Variants in ARVCF observed in about 807,000 individuals in gnomAD.
ARVCF encodes splicing regulator ARVCF.
A neutral mutation model predicts 90.9 loss-of-function variants in ARVCF; 66 were observed. The observed-to-expected ratio is 0.73, with a 90% CI of 0.60 to 0.89. The LOEUF (loss-of-function observed/expected upper bound fraction) is 0.89, where lower values mean the gene tolerates loss of function less well. ARVCF is among the 40% of genes least tolerant of loss of function. ARVCF has a pLI of 0.00. For missense variants in ARVCF, 1,469 were observed against 1,382.3 expected (o/e 1.06, Z -1.00); for synonymous variants, 653 against 603.4 (o/e 1.08, Z -1.21).
intron 2 of ARVCF, among the ~76,000 whole-genome samples, chr22:20,007,201 C>T (rs541800289): frequency 1.3e-5 from 2 of 152,144 alleles, no homozygotes; most frequent in East Asian, 3.9e-4. Flanking sequence ...GAGTTCGACA[C>T]CAGCCTGGAC....
chr22:19,972,525 C>T, intron 16 of ARVCF, 114 bp from the exon 17 acceptor site: 1 of 1,369,648 alleles, frequency 7.3e-7, no homozygotes, highest in Non-Finnish European at 1.0e-6. Flanking sequence ...CACTAAGGTG[C>T]CCAACCTCTG....
rs774731678 is a variant in ARVCF, at chr22:19,981,688, G to A, written c.419C>T (p.Pro140Leu). 1 of 1,600,434 alleles carries A rather than the reference G, an allele frequency of 6.2e-7. No homozygotes were observed. Among genetic ancestry groups the A allele is most frequent in the Non-Finnish European group, 8.5e-7 (1 of 1,173,770 alleles). ...CAGGGGGAGTCCATCTGGGCCCACG[G>A]GCACCTGGCGTACTGTCCGAGTGGT... ...TVTTRTVRQVPVGPDGLPLLD... is the reference protein window; with the variant it reads ...TVTTRTVRQVLVGPDGLPLLD... The change falls in exon 5 of 20, where the codon CCC becomes CTC. Residue 140 changes from proline (P) to leucine (L), a missense_variant. Coordinates refer to ENST00000263207, the MANE Select transcript of ARVCF (RefSeq NM_001670.3).
intron 2 of ARVCF, among the ~76,000 whole-genome samples, chr22:19,998,220 C>T (rs930596377): frequency 9.9e-5 from 15 of 152,200 alleles, no homozygotes; most frequent in Non-Finnish European, 1.9e-4. Context: ...TGCACAGGGC[C>T]GTCCGCCTGC....
downstream of ARVCF, chr22:19,967,682 T>C: frequency 1.1e-5 from 3 of 281,006 alleles, no homozygotes; most frequent in South Asian, 9.8e-5. Flanking sequence ...TTTATTATAC[T>C]TTAGATGTTT....
downstream of ARVCF, chr22:19,968,944 C>T: frequency 1.7e-6 from 1 of 578,740 alleles, no homozygotes; most frequent in Non-Finnish European, 3.1e-6. Context: ...TCTTTACTAA[C>T]ACTGGCTAGC....
rs12329964 is a variant in ARVCF at position 19,971,510 on chromosome 22, G to A, written c.2782-175C>T. ...AACGTGTGGCTCACACGGGCCCAGGGCGGGCACGTGCACACACACAGGCCT... is the reference window on the plus strand; with the variant it reads ...AACGTGTGGCTCACACGGGCCCAGGACGGGCACGTGCACACACACAGGCCT... On this transcript the variant is annotated intron_variant, in intron 18 of 19. Coordinates refer to ENST00000263207, the MANE Select transcript of ARVCF (RefSeq NM_001670.3). Among the ~76,000 whole-genome samples the A allele has an allele frequency of 0.15, 22,350 of 152,246 alleles. 1,787 individuals are homozygous for A. The highest frequency in any genetic ancestry group is 0.21 in the Middle Eastern group (62 of 292).
In ARVCF at chr22:19,973,667, C is replaced by G; in HGVS notation, c.2215G>C (p.Asp739His). 6.2e-7 allele frequency: 1 copy of G among 1,609,862 alleles called. No individual in the cohort carries two copies. The highest frequency in any genetic ancestry group is 8.5e-7 in the Non-Finnish European group (1 of 1,179,172). ...VAIALRNLSL[D>H]RRNKDLIGSY... is the part of the protein sequence containing the mutation. Reference sequence around the variant, plus strand: ...CCGATGAGGTCTTTGTTGCGCCGGTCCAGCGAGAGGTTGCGCAGAGCGATG... The same window carrying G: ...CCGATGAGGTCTTTGTTGCGCCGGTGCAGCGAGAGGTTGCGCAGAGCGATG... Residue 739 changes from aspartate to histidine, a missense_variant, in exon 13 of 20, where the codon GAC (aspartate) becomes CAC (histidine). Asp to His is a moderately conservative substitution (Grantham distance 81). Transcript: ENST00000263207.
Position 19,977,576 on chromosome 22 carries a change from T to C in ARVCF, c.1709A>G (p.Asn570Ser). The change falls in exon 9 of 20, where the codon AAC becomes AGC. Residue 570 changes from asparagine (N) to serine (S), a missense_variant. By Grantham distance (46) the Asn-to-Ser change is conservative. Coordinates refer to ENST00000263207, the MANE Select transcript of ARVCF (RefSeq NM_001670.3). ...RKDTDNKSVE[N>S]CVCIMRNLSY... ...CAGGTTCCGCATGATGCACACGCAG[T>C]TCTCCACCGACTGCAGGGAGAGGTG... The C allele has an allele frequency of 6.5e-7, 1 of 1,532,742 alleles. No homozygotes were observed. The highest frequency in any genetic ancestry group is 8.8e-7 in the Non-Finnish European group (1 of 1,138,540). 94.9% of individuals were successfully genotyped at this position (1,532,742 alleles called of 1,614,324 possible).
Position 19,970,633 on chromosome 22 carries a change from G to A in ARVCF, c.*123C>T. ...CCAAAGTCAGGCTTGGCTGGGGCGA[G>A]GCGCTGCCAACCCCTGCCGCCAGGG... On this transcript the variant is annotated 3_prime_UTR_variant, in exon 20 of 20. Transcript: ENST00000263207. The A allele has an allele frequency of 1.6e-6, 2 of 1,277,502 alleles. No homozygotes were observed. Among genetic ancestry groups the A allele is most frequent in the Non-Finnish European group, 2.0e-6 (2 of 983,478 alleles). The allele number at this position is 1,277,502 out of a possible 1,614,324, so 79.1% of individuals were successfully genotyped here.
In ARVCF at chr22:19,970,351, C is replaced by A; in HGVS notation, c.*405G>T. On this transcript the variant is annotated 3_prime_UTR_variant, in exon 20 of 20. Transcript: ENST00000263207. ...TCCCAGCCCCCTCCCTGCCTAGCTG[C>A]CTGCCCCTGGCGCCAGACCTGGCCC... The A allele has an allele frequency of 9.0e-6, 9 of 1,002,034 alleles. No homozygotes were observed. Among genetic ancestry groups the A allele is most frequent in the Non-Finnish European group, 1.1e-5 (9 of 839,524 alleles). 62.1% of individuals were successfully genotyped at this position (1,002,034 alleles called of 1,614,324 possible). A position where few individuals can be genotyped will look rare whatever the true frequency, so the allele number is the denominator to read the frequency against.
chr22:19,983,575 G>A (rs1022736544), intron 3 of ARVCF: 8 of 152,414 alleles, frequency 5.2e-5, no homozygotes, highest in African/African-American at 1.7e-4. Flanking sequence ...AGTGGCCACA[G>A]AAGGCACCTC....
At chr22:19,967,116 A>G (rs1032779737), downstream of ARVCF, 9 of 1,286,792 alleles carry the variant, frequency 7.0e-6, no homozygotes, top group Non-Finnish European at 9.2e-6. Flanking sequence ...AAGGTGACCC[A>G]TGCTCCTTTC....
At chr22:20,004,562 A>G (rs1021579289) in intron 2 of ARVCF, among the ~76,000 whole-genome samples, 13 of 152,216 alleles carry the variant, frequency 8.5e-5, no homozygotes, top group Non-Finnish European at 5.9e-5. Context: ...TAAGATTTAT[A>G]TCGATCTTTA....
downstream of ARVCF, chr22:19,967,157 C>A (rs556087393): frequency 1.6e-5 from 21 of 1,302,046 alleles, no homozygotes; most frequent in Non-Finnish European, 2.0e-5. Context: ...CTGTTTAACT[C>A]GTGCAGGTGC....
chr22:19,993,308 T>A (rs1405849357), intron 2 of ARVCF, among the ~76,000 whole-genome samples: 1 of 152,200 alleles, frequency 6.6e-6, no homozygotes, highest in Admixed American at 6.5e-5. Context: ...ATACAAGGGA[T>A]CCTGGCCCAG....
At chr22:19,976,819 C>T in intron 9 of ARVCF, 96 bp from the exon 10 acceptor site, 2 of 1,381,790 alleles carry the variant, frequency 1.4e-6, no homozygotes, top group Non-Finnish European at 2.0e-6. Context: ...CAGGTTCCCA[C>T]TGCACACCCT....
At chr22:20,000,538 CTG>C (rs1302555504) in intron 2 of ARVCF, among the ~76,000 whole-genome samples, 2 of 152,222 alleles carry the variant, frequency 1.3e-5, no homozygotes, top group East Asian at 3.9e-4. Flanking sequence ...CGGGACTTGA[CTG>C]TGTGTCCAGT....
chr22:19,993,757 A>G lies in ARVCF; in HGVS notation c.-18-2945T>C, dbSNP rs138344523. ...CCACGAGTGACCAGACTTCAGGACC[A>G]TGTGGACAACACCATGTTCCAACCA... On this transcript the variant is annotated intron_variant, in intron 2 of 19. Coordinates refer to ENST00000263207, the MANE Select transcript of ARVCF (RefSeq NM_001670.3). 1.5e-3 allele frequency among the ~76,000 whole-genome samples: 226 copies of G among 152,376 alleles called. 1 individual carries two copies. The East Asian group carries it at 0.033, about 22-fold the overall frequency.
At chr22:19,995,787 C>T (rs1009584341) in intron 2 of ARVCF, among the ~76,000 whole-genome samples, 4 of 152,082 alleles carry the variant, frequency 2.6e-5, no homozygotes, top group Non-Finnish European at 4.4e-5. Flanking sequence ...CTGCGCTGGC[C>T]CCCCCCTCGA....
Sources: allele counts gnomAD v4.1 joint callset (sites outside exome capture counted in the v4.1 genomes callset), GRCh38; gene constraint gnomAD v4.1.1; transcripts MANE v1.5; gene names NCBI Gene and HGNC (gene_info 2026-07-23, HGNC 2026-07-21).